DOCK3: variants seen among roughly 807,000 people sequenced by gnomAD.
DOCK3 encodes dedicator of cytokinesis protein 3.
DOCK3 carries 60 observed loss-of-function variants against 265.6 expected under a neutral mutation model. The observed-to-expected ratio is 0.23, with a 90% CI of 0.18 to 0.28. The LOEUF (loss-of-function observed/expected upper bound fraction) is 0.28. Ranked by LOEUF, DOCK3 falls within the 10% of genes least tolerant of loss-of-function variation. DOCK3 has a pLI of 1.00. For synonymous variants in DOCK3, 881 were observed against 938.0 expected, an observed-to-expected ratio of 0.94 and a Z score of 1.11; for missense variants, 1,981 against 2,594.3, an observed-to-expected ratio of 0.76 and a Z score of 5.14.
intron 12 of DOCK3, among the ~76,000 whole-genome samples, chr3:51,197,655 C>T (rs558837707): frequency 4.6e-5 from 7 of 152,252 alleles, no homozygotes; most frequent in African/African-American, 1.7e-4. Context: ...GGCTCATGCT[C>T]AGACCTTCAA....
chr3:51,044,330 C>G (rs1286249446), intron 5 of DOCK3, among the ~76,000 whole-genome samples: 1 of 151,944 alleles, frequency 6.6e-6, no homozygotes, highest in East Asian at 1.9e-4. Flanking sequence ...CACAAAAAAA[C>G]AGAAAACCAA....
At chr3:50,974,262 T>C (rs1427610916) in intron 5 of DOCK3, among the ~76,000 whole-genome samples, 3 of 151,744 alleles carry the variant, frequency 2.0e-5, no homozygotes, top group Admixed American at 6.6e-5. Context: ...CTAGGGTTTT[T>C]ATGGTTTTAG....
chr3:51,052,451 G>A (rs996573075), intron 5 of DOCK3, among the ~76,000 whole-genome samples: 3 of 152,160 alleles, frequency 2.0e-5, no homozygotes, highest in Non-Finnish European at 4.4e-5. Flanking sequence ...AGTGAGCCGT[G>A]ATTGTGCCAC....
chr3:51,068,752 G>A (rs974696403), intron 6 of DOCK3, among the ~76,000 whole-genome samples: 2 of 152,034 alleles, frequency 1.3e-5, no homozygotes, highest in Non-Finnish European at 2.9e-5. Flanking sequence ...TTATGTGTGA[G>A]TCTTAAAACC....
intron 32 of DOCK3, among the ~76,000 whole-genome samples, chr3:51,324,452 C>G (rs1487322315): frequency 6.6e-6 from 1 of 152,210 alleles, no homozygotes. Flanking sequence ...ACATTCCATG[C>G]TCATGGATAA....
intron 4 of DOCK3, among the ~76,000 whole-genome samples, chr3:50,915,269 T>C (rs1003464360): frequency 6.6e-6 from 1 of 151,982 alleles, no homozygotes; most frequent in Non-Finnish European, 1.5e-5. Context: ...TAGTAGTGAC[T>C]CTAGACCATG....
chr3:51,246,775 A>T lies in DOCK3; in HGVS notation c.2152A>T (p.Ile718Phe), dbSNP rs534487436. The T allele has an allele frequency of 6.2e-7, 1 of 1,613,616 alleles. No homozygotes were observed. Among genetic ancestry groups the T allele is most frequent in the South Asian group, 1.1e-5 (1 of 90,928 alleles). ...GTATATGGACTGCTCAGCAGAACTG[A>T]TTCGACAGGACCACATTCAAGAAGC... ...KWYMDCSAEL[I>F]RQDHIQEAMR... The change falls in exon 22 of 53, where the codon ATT becomes TTT. Residue 718 changes from isoleucine (I) to phenylalanine (F), a missense_variant. By Grantham distance (21) the Ile-to-Phe change is conservative. Coordinates refer to ENST00000266037, the MANE Select transcript of DOCK3 (RefSeq NM_004947.5).
At chr3:51,325,090 CT>C (rs1419160113) in intron 32 of DOCK3, among the ~76,000 whole-genome samples, 1 of 152,088 alleles carries the variant, frequency 6.6e-6, no homozygotes, top group Non-Finnish European at 1.5e-5. Flanking sequence ...AACTAAAGAG[CT>C]TCTGCACAGC....
chr3:50,762,710 T>G (rs1238641598), intron 1 of DOCK3, among the ~76,000 whole-genome samples: 1 of 152,118 alleles, frequency 6.6e-6, no homozygotes, highest in East Asian at 1.9e-4. Flanking sequence ...GTCCTAATAT[T>G]CTGAGGTTTT....
chr3:51,121,757 C>G (rs2084027963), intron 9 of DOCK3, among the ~76,000 whole-genome samples: 1 of 152,054 alleles, frequency 6.6e-6, no homozygotes, highest in Non-Finnish European at 1.5e-5. Flanking sequence ...GAGCATGTAC[C>G]AAACCCTGTG....
chr3:50,860,116 G>A (rs981130151), intron 3 of DOCK3, among the ~76,000 whole-genome samples: 2 of 152,170 alleles, frequency 1.3e-5, no homozygotes, highest in African/African-American at 4.8e-5. Flanking sequence ...GGTTTGTACT[G>A]TGGGCCCAAG....
At chr3:50,719,331 A>C (rs111524272) in intron 1 of DOCK3, among the ~76,000 whole-genome samples, 1 of 149,930 alleles carries the variant, frequency 6.7e-6, no homozygotes, top group African/African-American at 2.5e-5. Context: ...CCAACTAGGC[A>C]TGGAAGAGAA....
intron 5 of DOCK3, among the ~76,000 whole-genome samples, chr3:50,956,973 A>G (rs1004501215): frequency 3.3e-5 from 5 of 152,054 alleles, no homozygotes; most frequent in Non-Finnish European, 5.9e-5. Context: ...AGCGATTCTC[A>G]TGCCTCCGCC....
intron 40 of DOCK3, among the ~76,000 whole-genome samples, chr3:51,352,754 T>C (rs2086088025): frequency 6.6e-6 from 1 of 152,240 alleles, no homozygotes; most frequent in Non-Finnish European, 1.5e-5. Flanking sequence ...GGTAGCTCTT[T>C]GCCTTGCCCA....
chr3:51,344,890 T>C (rs925598819), intron 38 of DOCK3, among the ~76,000 whole-genome samples: 1 of 152,020 alleles, frequency 6.6e-6, no homozygotes, highest in Non-Finnish European at 1.5e-5. Context: ...CTAAAGATAA[T>C]TGTGGTGGAG....
At chr3:51,143,910 A>G (rs973728593) in intron 9 of DOCK3, among the ~76,000 whole-genome samples, 2 of 152,214 alleles carry the variant, frequency 1.3e-5, no homozygotes, top group African/African-American at 2.4e-5. Context: ...GTTTTCTACT[A>G]TGTGCTAAAT....
At chr3:51,249,130 C>T (rs369151653) in intron 22 of DOCK3, among the ~76,000 whole-genome samples, 3,073 of 119,946 alleles carry the variant, frequency 0.026, 50 homozygotes, top group African/African-American at 0.084. Flanking sequence ...CCAGGCCAGC[C>T]GCCCCGTCCG....
At chr3:50,814,920 G>C (rs887856393) in intron 2 of DOCK3, among the ~76,000 whole-genome samples, 2 of 152,008 alleles carry the variant, frequency 1.3e-5, no homozygotes, top group African/African-American at 4.8e-5. Context: ...CGCCTCCTGG[G>C]TTCAAGCAAT....
chr3:50,861,810 C>T, intron 3 of DOCK3, among the ~76,000 whole-genome samples: 1 of 140,404 alleles, frequency 7.1e-6, no homozygotes, highest in Admixed American at 7.1e-5. Context: ...TATGTTGAGC[C>T]TTTGGGTGTC....
Sources: allele counts gnomAD v4.1 joint callset (sites outside exome capture counted in the v4.1 genomes callset), GRCh38; gene constraint gnomAD v4.1.1; transcripts MANE v1.5; gene names NCBI Gene and HGNC (gene_info 2026-07-23, HGNC 2026-07-21).